Variants in PALM2AKAP2 observed in about 807,000 individuals in gnomAD.
PALM2AKAP2 encodes PALM2 and AKAP2 fusion.
A neutral mutation model predicts 71.5 loss-of-function variants in PALM2AKAP2; 37 were observed. The ratio of observed to expected loss-of-function variants is 0.52; its 90% CI spans 0.40 to 0.68. PALM2AKAP2 has a LOEUF of 0.68. PALM2AKAP2 is among the 30% of genes least tolerant of loss of function. PALM2AKAP2 has a pLI of 0.00. For missense variants in PALM2AKAP2, 1,224 were observed against 1,191.8 expected, an observed-to-expected ratio of 1.03 and a Z score of -0.40; for synonymous variants, 468 against 478.8, an observed-to-expected ratio of 0.98 and a Z score of 0.29.
At chr9:110,025,747 G>A (rs185454465) in intron 7 of PALM2AKAP2, among the ~76,000 whole-genome samples, 20 of 152,280 alleles carry the variant, frequency 1.3e-4, no homozygotes, top group Non-Finnish European at 1.9e-4. Context: ...GTGTGGAGTC[G>A]TATGTCATTG....
chr9:110,162,013 T>C, intron 3 of PALM2AKAP2, 81 bp from the exon 10 acceptor site: 1 of 1,548,500 alleles, frequency 6.5e-7, no homozygotes. Context: ...TCTTCTGGTG[T>C]GGTGCCTGTT....
chr9:110,129,731 T>A, intron 1 of PALM2AKAP2, among the ~76,000 whole-genome samples: 1 of 152,212 alleles, frequency 6.6e-6, no homozygotes. Flanking sequence ...ACTTGGCTAG[T>A]TGAGTTGTGG....
At chr9:109,733,459 G>C (rs1828585235) in intron 1 of PALM2AKAP2, among the ~76,000 whole-genome samples, 1 of 152,154 alleles carries the variant, frequency 6.6e-6, no homozygotes. Context: ...GGCAGAGTGA[G>C]AACAGAGGCT....
At chr9:110,019,314 A>T (rs1833033643) in intron 7 of PALM2AKAP2, among the ~76,000 whole-genome samples, 1 of 152,062 alleles carries the variant, frequency 6.6e-6, no homozygotes, top group African/African-American at 2.4e-5. Flanking sequence ...AGGCAAAATA[A>T]CAGATGTTGG....
upstream of PALM2AKAP2, among the ~76,000 whole-genome samples, chr9:110,044,210 C>T (rs1461075161): frequency 6.6e-6 from 1 of 152,116 alleles, no homozygotes; most frequent in Non-Finnish European, 1.5e-5. Flanking sequence ...CTTGGGATTA[C>T]TGCTAGCTTT....
At chr9:110,112,668 T>C (rs1031352363) in intron 1 of PALM2AKAP2, among the ~76,000 whole-genome samples, 3 of 152,230 alleles carry the variant, frequency 2.0e-5, no homozygotes, top group African/African-American at 7.2e-5. Flanking sequence ...CTAGTCGAGA[T>C]TGTCCCAGTT....
chr9:109,991,439 G>A (rs546029237), intron 6 of PALM2AKAP2, among the ~76,000 whole-genome samples: 151 of 151,788 alleles, frequency 9.9e-4, no homozygotes, highest in African/African-American at 3.6e-3. Context: ...GGGCCTCCCT[G>A]TGTTGCCTAG....
At chr9:109,884,520 AG>A (rs1252176230) in intron 3 of PALM2AKAP2, among the ~76,000 whole-genome samples, 2 of 152,170 alleles carry the variant, frequency 1.3e-5, no homozygotes, top group African/African-American at 4.8e-5. Context: ...GCAGAGAGAA[AG>A]GAAGAAGAGA....
At chr9:109,857,218 C>A (rs573536724) in intron 1 of PALM2AKAP2, among the ~76,000 whole-genome samples, 1 of 152,338 alleles carries the variant, frequency 6.6e-6, no homozygotes, top group South Asian at 2.1e-4. Context: ...TAGAGCATCT[C>A]CTCCATTCTT....
chr9:109,819,240 T>A (rs1827927458), intron 1 of PALM2AKAP2, among the ~76,000 whole-genome samples: 2 of 152,234 alleles, frequency 1.3e-5, no homozygotes, highest in East Asian at 1.9e-4. Context: ...AGTTATTCAA[T>A]CATAACTAAA....
chr9:109,952,345 A>G (rs1831660564), intron 6 of PALM2AKAP2, among the ~76,000 whole-genome samples: 2 of 152,250 alleles, frequency 1.3e-5, no homozygotes, highest in South Asian at 4.1e-4. Context: ...TGAAGAGTAG[A>G]TATGATGCCT....
chr9:109,899,693 A>T (rs991235859), intron 3 of PALM2AKAP2, among the ~76,000 whole-genome samples: 1 of 152,120 alleles, frequency 6.6e-6, no homozygotes, highest in African/African-American at 2.4e-5. Flanking sequence ...TGACCACTCC[A>T]GCAACTACCT....
At chr9:110,074,544 G>A (rs1333995664) in intron 1 of PALM2AKAP2, among the ~76,000 whole-genome samples, 1 of 152,110 alleles carries the variant, frequency 6.6e-6, no homozygotes, top group Non-Finnish European at 1.5e-5. Flanking sequence ...TGGTTAGGTG[G>A]AAAAAGTCCT....
intron 6 of PALM2AKAP2, among the ~76,000 whole-genome samples, chr9:110,005,436 C>A (rs1464083723): frequency 6.6e-6 from 1 of 152,226 alleles, no homozygotes; most frequent in Non-Finnish European, 1.5e-5. Flanking sequence ...GTCTGCCCCT[C>A]CTGGGGGGTG....
intron 7 of PALM2AKAP2, among the ~76,000 whole-genome samples, chr9:110,035,603 TTG>T (rs1169514225): frequency 1.8e-4 from 25 of 138,686 alleles, no homozygotes; most frequent in South Asian, 2.3e-4. Flanking sequence ...ATAGGATATG[TTG>T]TGTGTTATAT....
chr9:110,054,415 C>T (rs1833788158), intron 1 of PALM2AKAP2, among the ~76,000 whole-genome samples: 3 of 151,892 alleles, frequency 2.0e-5, no homozygotes, highest in African/African-American at 7.3e-5. Context: ...AAAAAAATAC[C>T]AAAACCTACC....
At chr9:109,956,880 C>T (rs1161455876) in intron 6 of PALM2AKAP2, among the ~76,000 whole-genome samples, 3 of 152,192 alleles carry the variant, frequency 2.0e-5, no homozygotes, top group South Asian at 2.1e-4. Flanking sequence ...TTAGGAAACA[C>T]TGTCTTGCCT....
At chr9:110,014,803 AATGTATATAT>A (rs1353446455) in intron 6 of PALM2AKAP2, among the ~76,000 whole-genome samples, 477 of 16,012 alleles carry the variant, frequency 0.03, 49 homozygotes, top group East Asian at 0.16. Flanking sequence ...AAAAAAAAAA[AATGTATATAT>A]ATATATATAT....
chr9:110,022,528 T>C (rs1347253296), intron 7 of PALM2AKAP2, among the ~76,000 whole-genome samples: 1 of 152,060 alleles, frequency 6.6e-6, no homozygotes, highest in East Asian at 1.9e-4. Flanking sequence ...AAATATTCCC[T>C]CCTCCAGTGG....
Sources: gnomAD v4.1 joint callset for allele counts (sites outside exome capture counted in the v4.1 genomes callset) on GRCh38, gnomAD v4.1.1 for gene constraint, MANE v1.5 for transcripts, NCBI Gene and HGNC (gene_info 2026-07-23, HGNC 2026-07-21) for gene names.